Variants in NDOR1 observed in about 807,000 individuals in gnomAD.
The protein encoded by NDOR1 is NADPH-dependent diflavin oxidoreductase 1.
NDOR1 carries 61 observed loss-of-function variants against 67.2 expected under a neutral mutation model. The ratio of observed to expected loss-of-function variants is 0.91; its 90% confidence interval spans 0.74 to 1.12. NDOR1 has a LOEUF of 1.12. Ranked by LOEUF, NDOR1 falls within the 50% of genes most tolerant of loss-of-function variation. The probability of loss-of-function intolerance (pLI) is 0.00; values close to 1 mark genes in which losing one functional copy is unlikely to be tolerated. For missense variants in NDOR1, 878 were observed against 802.8 expected (o/e 1.09, Z -1.13); for synonymous variants, 378 against 343.7 (o/e 1.10, Z -1.10).
At chr9:137,207,600 C>G (rs923303937) in intron 2 of NDOR1, among the ~76,000 whole-genome samples, 1 of 152,046 alleles carries the variant, frequency 6.6e-6, no homozygotes, top group Non-Finnish European at 1.5e-5. Context: ...GGAGAGTGAC[C>G]AAGCAGCTAG....
In NDOR1 at chr9:137,214,240, G is replaced by A. The variant is rs1191701960; in HGVS notation, c.549G>A (p.Glu183=). The stretch of plus-strand genomic sequence containing the variant: ...AGTTCACCCTGCTGTTCCTCCAAGA[G>A]GCACCCAGCACGGGCTCTGAGGGGC... ...PSKFTLLFLQ[E]APSTGSEGQR... The change falls in exon 6 of 14, where the codon GAG becomes GAA. Residue 183 remains glutamate (E), a synonymous_variant. Transcript: ENST00000684003. The A allele has an allele frequency of 1.9e-6, 3 of 1,613,088 alleles. No homozygotes were observed. The highest frequency in any genetic ancestry group is 1.7e-4 in the Middle Eastern group (1 of 6,060).
intron 2 of NDOR1, among the ~76,000 whole-genome samples, chr9:137,211,147 A>T (rs1588798585): frequency 6.6e-6 from 1 of 152,258 alleles, no homozygotes; most frequent in Admixed American, 6.5e-5. Flanking sequence ...TCTCAAAAAA[A>T]GATGAGAAAT....
intron 6 of NDOR1, 49 bp downstream of exon 6, chr9:137,214,462 TC>T: frequency 1.9e-6 from 3 of 1,541,144 alleles, no homozygotes; most frequent in Non-Finnish European, 2.6e-6. Context: ...GGGCCGTGGG[TC>T]TGGGGTTCGG....
In NDOR1 at chr9:137,214,793, T is replaced by C; in HGVS notation, c.845-5T>C. On this transcript the variant is annotated splice_region_variant and splice_polypyrimidine_tract_variant and intron_variant, in intron 7 of 13. Transcript: ENST00000684003. ...GCCCACGGAGGCCTCCCACTCACCC[T>C]GCAGATGTCTCCTCCCCCACGAGGC... is the stretch of plus-strand genomic sequence containing the variant. 6.2e-7 allele frequency: 1 copy of C among 1,601,072 alleles called. No homozygotes were observed. The highest frequency in any genetic ancestry group is 8.5e-7 in the Non-Finnish European group (1 of 1,177,640).
intron 13 of NDOR1, 28 bp from the exon 14 acceptor site, chr9:137,216,244 T>C (rs1835590300): frequency 2.5e-6 from 4 of 1,612,902 alleles, no homozygotes; most frequent in Non-Finnish European, 3.4e-6. Flanking sequence ...CCAGGCCTCA[T>C]TGCGCCTTCT....
chr9:137,208,935 A>G (rs1165904189), intron 2 of NDOR1, among the ~76,000 whole-genome samples: 1 of 152,026 alleles, frequency 6.6e-6, no homozygotes, highest in Non-Finnish European at 1.5e-5. Context: ...GCTGGAGTAC[A>G]GTGGCGTTGA....
rs551946567 is a variant in NDOR1 at position 137,212,013 on chromosome 9, G to A, written c.214-489G>A. 1.3e-5 allele frequency among the ~76,000 whole-genome samples: 2 copies of A among 152,294 alleles called. No homozygotes were observed. Among genetic ancestry groups the A allele is most frequent in the East Asian group, 3.9e-4 (2 of 5,184 alleles). On this transcript the variant is annotated intron_variant, in intron 2 of 13. Transcript: ENST00000684003. The surrounding 1 kb of genome is among the most constrained non-coding windows in gnomAD (Gnocchi z 4.3). ...TCTCAGCGACACTGGAACCTCAGAG[G>A]GCCGAGTGTGAGAGCCCTTGGGATG...
At chr9:137,209,473 C>T (rs1268651030) in intron 2 of NDOR1, among the ~76,000 whole-genome samples, 3 of 152,112 alleles carry the variant, frequency 2.0e-5, no homozygotes, top group African/African-American at 7.2e-5. Context: ...TTCAGGTCAA[C>T]GAGGAAACGA....
intron 11 of NDOR1, 41 bp from the exon 12 acceptor site, chr9:137,215,858 C>T (rs1835552186): frequency 6.2e-7 from 1 of 1,610,958 alleles, no homozygotes; most frequent in East Asian, 2.2e-5. Context: ...CCCAGCTGAA[C>T]CTCAAGGACC....
chr9:137,205,909 G>A lies in NDOR1; in HGVS notation c.132G>A (p.Pro44=), dbSNP rs1479166059. Reference sequence around the variant, plus strand: ...GGGTGCAGGCCCTGGACTCCTACCCGGTGGTGAGGGCTCGCTAGGGCCTCG... The same window carrying A: ...GGGTGCAGGCCCTGGACTCCTACCCAGTGGTGAGGGCTCGCTAGGGCCTCG... ...GCRVQALDSY[P]VVNLINEPLV... Residue 44 remains proline, a synonymous_variant, in exon 1 of 14, where the codon CCG becomes CCA. Transcript: ENST00000684003. 1.3e-6 allele frequency: 2 copies of A among 1,589,340 alleles called. No homozygotes were observed. The highest frequency in any genetic ancestry group is 1.7e-6 in the Non-Finnish European group (2 of 1,173,576).
At chr9:137,206,032 G>C in intron 1 of NDOR1, 120 bp downstream of exon 1, 1 of 1,482,486 alleles carries the variant, frequency 6.7e-7, no homozygotes, top group Non-Finnish European at 9.0e-7. Context: ...CCTTATGGCG[G>C]ATTTAGGGAA....
chr9:137,214,102 G>A, intron 5 of NDOR1, 34 bp downstream of exon 5: 1 of 1,531,482 alleles, frequency 6.5e-7, no homozygotes, highest in Non-Finnish European at 8.8e-7. Context: ...CACAGGCGCA[G>A]CAGACCCAAC....
Position 137,215,169 on chromosome 9 carries a change from G to A in NDOR1, c.1140G>A (p.Arg380=). The A allele has an allele frequency of 6.2e-7, 1 of 1,613,052 alleles. No individual in the cohort carries two copies. The highest frequency in any genetic ancestry group is 8.5e-7 in the Non-Finnish European group (1 of 1,179,900). ...DYLLDLIPVI[R]PRAFSIASSL... Reference sequence around the variant, plus strand: ...TGTTGGACCTCATCCCCGTTATCCGGCCGAGGGCCTTCTCCATCGCCTCCT... The same window carrying A: ...TGTTGGACCTCATCCCCGTTATCCGACCGAGGGCCTTCTCCATCGCCTCCT... Residue 380 remains arginine, a synonymous_variant, in exon 9 of 14, where the codon CGG becomes CGA. Coordinates refer to ENST00000684003, the MANE Select transcript of NDOR1 (RefSeq NM_014434.4).
At position 137,216,018 on chromosome 9, in the gene NDOR1, G is replaced by T. The variant is rs1304111996; in HGVS notation, c.1554+1G>T. On this transcript the variant is annotated splice_donor_variant, in intron 12 of 13. Coordinates refer to ENST00000684003, the MANE Select transcript of NDOR1 (RefSeq NM_014434.4). LOFTEE classifies it high-confidence loss of function. ...CATCCCTGCCTTCTCCCGGGAACAG[G>T]TGTGTATGCTCAGGGGCTGGGAAAG... 1.9e-6 allele frequency: 3 copies of T among 1,613,572 alleles called. No homozygotes were observed. The East Asian group carries it at 6.7e-5, about 36-fold the overall frequency.
chr9:137,214,463 CTG>C (rs149701237), intron 6 of NDOR1, 50 bp downstream of exon 6: 1,097,606 of 1,611,822 alleles, frequency 0.68, 374,936 homozygotes, highest in Admixed American at 0.74. Context: ...GGCCGTGGGT[CTG>C]GGGTTCGGAG....
Position 137,218,105 on chromosome 9 carries a change from A to T in NDOR1, c.*1689A>T. 3 of 398,786 alleles carry T rather than the reference A, an allele frequency of 7.5e-6. No homozygotes were observed. The highest frequency in any genetic ancestry group is 1.3e-5 in the Non-Finnish European group (3 of 226,176). The allele number at this position is 398,786 out of a possible 1,614,324, so 24.7% of individuals were successfully genotyped here. A position where few individuals can be genotyped will look rare whatever the true frequency, so the allele number is the denominator to read the frequency against. ...GATCTGCACAGAGCCCTACGGGCCCAGAGAGCGCCGCCTGGCCCTGCTGAA... is the reference window on the plus strand; with the variant it reads ...GATCTGCACAGAGCCCTACGGGCCCTGAGAGCGCCGCCTGGCCCTGCTGAA... On this transcript the variant is annotated 3_prime_UTR_variant, in exon 14 of 14. Coordinates refer to ENST00000684003, the MANE Select transcript of NDOR1 (RefSeq NM_014434.4).
chr9:137,216,436 C>T lies in NDOR1; in HGVS notation c.*20C>T, dbSNP rs759379418. On this transcript the variant is annotated 3_prime_UTR_variant, in exon 14 of 14. Transcript: ENST00000684003. ...GCCTGAGGCCCGCGGCTGCCCGTGC[C>T]CCCTCTGACAGCCATCCTCCTGGGA... 12 of 1,587,270 alleles carry T rather than the reference C, an allele frequency of 7.6e-6. No homozygotes were observed. The highest frequency in any genetic ancestry group is 1.0e-5 in the Non-Finnish European group (12 of 1,170,068).
At chr9:137,207,090 T>C (rs1835004028) in intron 2 of NDOR1, among the ~76,000 whole-genome samples, 1 of 151,890 alleles carries the variant, frequency 6.6e-6, no homozygotes, top group Non-Finnish European at 1.5e-5. Context: ...GCAAGGCAGA[T>C]GGGCTTGAAA....
rs1228441583 is a variant in NDOR1, at chr9:137,214,895, C to T, written c.942C>T (p.Phe314=). 7 of 1,612,344 alleles carry T rather than the reference C, an allele frequency of 4.3e-6. No homozygotes were observed. The highest frequency in any genetic ancestry group is 4.5e-5 in the East Asian group (2 of 44,902). The part of the protein sequence containing the change: ...DIASVPRRSF[F]ELLACLSLHE... ...CCAGCGTGCCTCGCCGCTCCTTCTT[C>T]GAACTCCTGGCCTGTCTATCCCTCC... The change falls in exon 8 of 14, where the codon TTC becomes TTT. Residue 314 remains phenylalanine, a synonymous_variant. Coordinates refer to ENST00000684003, the MANE Select transcript of NDOR1 (RefSeq NM_014434.4).
Sources: gnomAD v4.1 joint callset for allele counts (sites outside exome capture counted in the v4.1 genomes callset) on GRCh38, gnomAD v4.1.1 for gene constraint, Gnocchi (gnomAD v3.1) non-coding constraint, MANE v1.5 for transcripts, NCBI Gene and HGNC (gene_info 2026-07-23, HGNC 2026-07-21) for gene names.